The following LRP1B variants were observed in gnomAD, a reference collection of about 807,000 sequenced individuals.
The protein encoded by LRP1B is LDL receptor related protein 1B.
In LRP1B, 217 loss-of-function variants were observed where a neutral mutation model predicts 556.6. That is an observed-to-expected ratio of 0.39 (90% CI 0.35 to 0.44). The LOEUF (loss-of-function observed/expected upper bound fraction) is 0.44, where lower values mean the gene tolerates loss of function less well. Ranked by LOEUF, LRP1B falls within the 20% of genes least tolerant of loss-of-function variation. The pLI is 1.00. For missense variants in LRP1B, 5,053 were observed against 5,620.8 expected (o/e 0.90, Z 3.23); for synonymous variants, 2,047 against 1,865.8 (o/e 1.10, Z -2.50).
intron 41 of LRP1B, among the ~76,000 whole-genome samples, chr2:140,618,633 G>A (rs1683340081): frequency 6.6e-6 from 1 of 152,054 alleles, no homozygotes. Context: ...ACAAAAATCT[G>A]TTCATATTCA....
rs771473354 is a variant in LRP1B at position 141,020,086 on chromosome 2, C to T, written c.1806G>A (p.Glu602=). Reference sequence around the variant, plus strand: ...TTCCAATCCAGTCCACAGCAATGCCCTCTACATTATCCAGATCTATAAAAA... The same window carrying T: ...TTCCAATCCAGTCCACAGCAATGCCTTCTACATTATCCAGATCTATAAAAA... The part of the protein sequence containing the change: ...TILKDDLDNV[E]GIAVDWIGNN... Residue 602 remains glutamate (E), a synonymous_variant, in exon 12 of 91, where the codon GAG becomes GAA. Coordinates refer to ENST00000389484, the MANE Select transcript of LRP1B (RefSeq NM_018557.3). The T allele has an allele frequency of 6.3e-7, 1 of 1,596,484 alleles. No homozygotes were observed.
intron 1 of LRP1B, among the ~76,000 whole-genome samples, chr2:141,898,320 G>A (rs764749540): frequency 6.6e-6 from 1 of 151,982 alleles, no homozygotes; most frequent in Admixed American, 6.6e-5. Context: ...GAGCTACAAA[G>A]GGCTCCCATG....
chr2:140,912,166 C>T (rs982713099), intron 21 of LRP1B, among the ~76,000 whole-genome samples: 3 of 151,552 alleles, frequency 2.0e-5, no homozygotes, highest in Non-Finnish European at 4.4e-5. Context: ...GATAAGAAGG[C>T]GAACCAAGTA....
rs541743409 is a variant in LRP1B at position 141,479,832 on chromosome 2, C to T, written c.343+564G>A. 8.5e-5 allele frequency among the ~76,000 whole-genome samples: 13 copies of T among 152,128 alleles called. No homozygotes were observed. The South Asian group carries it at 2.7e-3, about 32-fold the overall frequency. ...AATTTTTAGATTTTAATTATTATCC[C>T]TCATATCATTAATATCTAGGTAATA... On this transcript the variant is annotated intron_variant, in intron 3 of 90. Transcript: ENST00000389484.
intron 7 of LRP1B, among the ~76,000 whole-genome samples, chr2:141,127,770 G>C (rs1310094109): frequency 3.5e-5 from 4 of 114,736 alleles, no homozygotes; most frequent in Admixed American, 9.3e-5. Flanking sequence ...AAGGTAAACT[G>C]GTTTAAAAAA....
At chr2:140,612,991 T>C (rs1683121096) in intron 41 of LRP1B, among the ~76,000 whole-genome samples, 1 of 139,238 alleles carries the variant, frequency 7.2e-6, no homozygotes. Context: ...GCAAGTTATC[T>C]CTTTTTTTTT....
intron 52 of LRP1B, among the ~76,000 whole-genome samples, chr2:140,508,418 C>A (rs1423979918): frequency 6.6e-6 from 1 of 152,056 alleles, no homozygotes; most frequent in African/African-American, 2.4e-5. Context: ...CCCAGACTGC[C>A]CCAGGCTCCA....
intron 83 of LRP1B, among the ~76,000 whole-genome samples, chr2:140,311,084 A>C (rs1479597482): frequency 6.6e-6 from 1 of 151,898 alleles, no homozygotes; most frequent in Non-Finnish European, 1.5e-5. Flanking sequence ...TGGGAATGTA[A>C]ATTAGTATAG....
rs557668459 is a variant in LRP1B, at chr2:140,553,821, G to C, written c.7195-11850C>G. On this transcript the variant is annotated intron_variant, in intron 43 of 90. Transcript: ENST00000389484. Reference sequence around the variant, plus strand: ...GAGGTTTTCAGAAGCCTAGAGAAGAGAGCCACATTGAGAAGAGCCACCAGC... The same window carrying C: ...GAGGTTTTCAGAAGCCTAGAGAAGACAGCCACATTGAGAAGAGCCACCAGC... 6.6e-5 allele frequency among the ~76,000 whole-genome samples: 10 copies of C among 152,136 alleles called. No homozygotes were observed. The East Asian group carries it at 1.7e-3, about 27-fold the overall frequency.
intron 3 of LRP1B, among the ~76,000 whole-genome samples, chr2:141,394,792 T>C (rs1427100389): frequency 6.6e-6 from 1 of 152,132 alleles, no homozygotes; most frequent in Non-Finnish European, 1.5e-5. Context: ...TGCACACGGA[T>C]TCTTCCTAGT....
In LRP1B at chr2:141,762,719, G is replaced by GTTA. The variant is rs928885292; in HGVS notation, c.205+47559_205+47560insTAA. Among the ~76,000 whole-genome samples, 6 of 152,218 alleles carry GTTA rather than the reference G, an allele frequency of 3.9e-5. No individual in the cohort carries two copies. The East Asian group carries it at 5.8e-4, about 15-fold the overall frequency. On this transcript the variant is annotated intron_variant, in intron 2 of 90. Transcript: ENST00000389484. The stretch of plus-strand genomic sequence containing the variant: ...TTGTGCATATATGCTGGGGGTTGAG[G>GTTA]ATAAGAAGGGTCATTACTTGCGTGA...
At position 141,295,790 on chromosome 2, in the gene LRP1B, C is replaced by CACACACACACACACACACACAT. The variant is rs963472660; in HGVS notation, c.344-41150_344-41149insATGTGTGTGTGTGTGTGTGTGT. Among the ~76,000 whole-genome samples the CACACACACACACACACACACAT allele has an allele frequency of 2.7e-4, 38 of 141,298 alleles. No individual in the cohort carries two copies. In the East Asian group the frequency reaches 7.2e-3, roughly 27 times the overall value. The allele number at this position is 141,298 out of a possible 152,430, so 92.7% of individuals were successfully genotyped here. The stretch of plus-strand genomic sequence containing the variant: ...ACACACACACACACACACACACACA[C>CACACACACACACACACACACAT]ATAACAGTGGGGCATCTAGCCTCTA... On this transcript the variant is annotated intron_variant, in intron 3 of 90. Coordinates refer to ENST00000389484, the MANE Select transcript of LRP1B (RefSeq NM_018557.3).
At chr2:141,830,664 A>G (rs532651834) in intron 1 of LRP1B, among the ~76,000 whole-genome samples, 1 of 151,978 alleles carries the variant, frequency 6.6e-6, no homozygotes, top group South Asian at 2.1e-4. Context: ...CACCTGCACT[A>G]GTGATTCATT....
rs2105036651 is a variant in LRP1B at position 140,315,020 on chromosome 2, C to G, written c.12720G>C (p.Trp4240Cys). ...CACATCTTTCTCCTGAATAACTGGG[C>G]CAACAGTGACACCTCAAATCACCTT... ...NEKGDLRCHC[W>C]PSYSGERCEV... Residue 4240 changes from tryptophan (W) to cysteine (C), a missense_variant, in exon 83 of 91, where the codon TGG becomes TGC. Physicochemically the swap from Trp to Cys is radical, Grantham distance 215. Transcript: ENST00000389484. 2 of 1,611,528 alleles carry G rather than the reference C, an allele frequency of 1.2e-6. No homozygotes were observed. Among genetic ancestry groups the G allele is most frequent in the Non-Finnish European group, 1.7e-6 (2 of 1,178,526 alleles).
chr2:140,432,622 C>G (rs1294535115), intron 66 of LRP1B, among the ~76,000 whole-genome samples: 1 of 152,190 alleles, frequency 6.6e-6, no homozygotes, highest in African/African-American at 2.4e-5. Flanking sequence ...TGAAGTAGAA[C>G]TCATTATAGG....
chr2:141,703,014 C>A (rs1691995799), intron 2 of LRP1B, among the ~76,000 whole-genome samples: 1 of 151,748 alleles, frequency 6.6e-6, no homozygotes, highest in Non-Finnish European at 1.5e-5. Flanking sequence ...AATTATAGCA[C>A]AAAAGGAAAG....
At chr2:140,704,949 C>T (rs543729660) in intron 37 of LRP1B, among the ~76,000 whole-genome samples, 6 of 152,112 alleles carry the variant, frequency 3.9e-5, no homozygotes, top group Non-Finnish European at 7.4e-5. Context: ...AAAGTAATGG[C>T]AAAAAGCACA....
At chr2:141,339,306 A>AAAAG (rs1553499033) in intron 3 of LRP1B, among the ~76,000 whole-genome samples, 61 of 27,344 alleles carry the variant, frequency 2.2e-3, no homozygotes, top group East Asian at 0.018. Flanking sequence ...AACGCAAAAA[A>AAAAG]AAAAAAAAGC....
chr2:141,781,394 T>G (rs552807846), intron 2 of LRP1B, among the ~76,000 whole-genome samples: 1 of 152,340 alleles, frequency 6.6e-6, no homozygotes, highest in East Asian at 1.9e-4. Flanking sequence ...ATATACTTAG[T>G]TAACTACTTT....
Sources: allele counts gnomAD v4.1 joint callset (sites outside exome capture counted in the v4.1 genomes callset), GRCh38; gene constraint gnomAD v4.1.1; transcripts MANE v1.5; gene names NCBI Gene and HGNC (gene_info 2026-07-23, HGNC 2026-07-21).